The following CHRM3 variants were observed in gnomAD, a reference collection of about 807,000 sequenced individuals.
The protein encoded by CHRM3 is cholinergic receptor muscarinic 3, also known as muscarinic acetylcholine receptor M3.
CHRM3 carries 11 observed loss-of-function variants against 41.8 expected under a neutral mutation model. That is an observed-to-expected ratio of 0.26 (90% confidence interval 0.17 to 0.44). The LOEUF (loss-of-function observed/expected upper bound fraction) is 0.44. CHRM3 is among the 20% of genes least tolerant of loss of function. The probability of loss-of-function intolerance (pLI) is 1.00; values close to 1 mark genes in which losing one functional copy is unlikely to be tolerated. For synonymous variants in CHRM3, 297 were observed against 301.4 expected, an observed-to-expected ratio of 0.99 and a Z score of 0.15; for missense variants, 571 against 745.4, an observed-to-expected ratio of 0.77 and a Z score of 2.72.
chr1:239,520,543 C>T (rs1488734833), intron 2 of CHRM3, among the ~76,000 whole-genome samples: 1 of 152,114 alleles, frequency 6.6e-6, no homozygotes, highest in African/African-American at 2.4e-5. Flanking sequence ...CTTCATGAGG[C>T]CTCCCCTGAA....
intron 5 of CHRM3, among the ~76,000 whole-genome samples, chr1:239,777,260 CTG>C (rs1348879597): frequency 6.6e-6 from 1 of 152,164 alleles, no homozygotes; most frequent in Non-Finnish European, 1.5e-5. Flanking sequence ...ACATGATCAT[CTG>C]TGATAGAAGA....
intron 6 of CHRM3, among the ~76,000 whole-genome samples, chr1:239,852,761 AC>A (rs1674798955): frequency 6.6e-6 from 1 of 152,202 alleles, no homozygotes; most frequent in African/African-American, 2.4e-5. Context: ...AGTTCATGGC[AC>A]ATGGCACATA....
At chr1:239,744,175 G>C (rs147664029) in intron 5 of CHRM3, among the ~76,000 whole-genome samples, 13 of 151,928 alleles carry the variant, frequency 8.6e-5, no homozygotes, top group Non-Finnish European at 1.9e-4. Context: ...TTGAACCACC[G>C]TGTGTCTTAG....
intron 5 of CHRM3, among the ~76,000 whole-genome samples, chr1:239,811,387 G>T (rs926492849): frequency 8.5e-5 from 13 of 152,150 alleles, no homozygotes; most frequent in African/African-American, 3.1e-4. Flanking sequence ...CTTTGATCTT[G>T]TCACTCCTGC....
At chr1:239,404,904 A>G (rs995144161) in intron 1 of CHRM3, among the ~76,000 whole-genome samples, 9 of 151,686 alleles carry the variant, frequency 5.9e-5, no homozygotes, top group African/African-American at 2.2e-4. Context: ...TTGCATGGGT[A>G]TAATGCTATG....
intron 4 of CHRM3, among the ~76,000 whole-genome samples, chr1:239,645,519 A>T (rs1427589947): frequency 1.3e-5 from 2 of 152,242 alleles, no homozygotes; most frequent in African/African-American, 4.8e-5. Flanking sequence ...AAGAAAAGAA[A>T]ATCCAAATCA....
intron 6 of CHRM3, among the ~76,000 whole-genome samples, chr1:239,831,894 T>C (rs1311920458): frequency 2.0e-5 from 3 of 152,212 alleles, no homozygotes; most frequent in Admixed American, 6.5e-5. Context: ...TTAGAAATTA[T>C]TATTTTCCTC....
At chr1:239,522,959 ACT>A (rs1401606188) in intron 2 of CHRM3, among the ~76,000 whole-genome samples, 4 of 151,870 alleles carry the variant, frequency 2.6e-5, no homozygotes, top group Non-Finnish European at 2.9e-5. Flanking sequence ...GCCCAGGGAG[ACT>A]CTGCTGAGAC....
In CHRM3 at chr1:239,663,025, TTTC is replaced by T. The variant is rs202029953; in HGVS notation, c.-249-15152_-249-15150del. On this transcript the variant is annotated intron_variant, in intron 4 of 6. Transcript: ENST00000676153. ...TTCTTCTTTCTCTTCCTCTTCTTCT[TTTC>T]TTCTTCTTTTTCTTCTGTTTTTTAA... Among the ~76,000 whole-genome samples, 1,290 of 151,878 alleles carry T rather than the reference TTTC, an allele frequency of 8.5e-3. 10 individuals are homozygous for T. The highest frequency in any genetic ancestry group is 0.01 in the Non-Finnish European group (705 of 67,982).
chr1:239,556,011 C>T (rs1342881871), intron 3 of CHRM3, among the ~76,000 whole-genome samples: 1 of 152,168 alleles, frequency 6.6e-6, no homozygotes, highest in Non-Finnish European at 1.5e-5. Flanking sequence ...ATAGTGATCT[C>T]TTTATTAAGC....
intron 5 of CHRM3, among the ~76,000 whole-genome samples, chr1:239,796,249 G>C (rs1211515785): frequency 6.6e-6 from 1 of 151,840 alleles, no homozygotes; most frequent in African/African-American, 2.4e-5. Context: ...TTTTCCATTA[G>C]AGCTCAAGAA....
intron 5 of CHRM3, among the ~76,000 whole-genome samples, chr1:239,783,889 G>A (rs2148818318): frequency 6.6e-6 from 1 of 152,218 alleles, no homozygotes; most frequent in South Asian, 2.1e-4. Flanking sequence ...AGTCCCCAGT[G>A]ACTATTGTTC....
At chr1:239,603,115 T>A (rs1450661690) in intron 3 of CHRM3, among the ~76,000 whole-genome samples, 1 of 152,150 alleles carries the variant, frequency 6.6e-6, no homozygotes, top group African/African-American at 2.4e-5. Flanking sequence ...ACAATATTTG[T>A]ATTTTAGTGA....
At chr1:239,507,423 T>C (rs1035940398) in intron 2 of CHRM3, among the ~76,000 whole-genome samples, 1 of 152,232 alleles carries the variant, frequency 6.6e-6, no homozygotes, top group Non-Finnish European at 1.5e-5. Context: ...ATGTGAGACA[T>C]GCCTCCACCT....
At chr1:239,399,085 G>T (rs189741916) in intron 1 of CHRM3, among the ~76,000 whole-genome samples, 6 of 152,180 alleles carry the variant, frequency 3.9e-5, no homozygotes, top group Non-Finnish European at 8.8e-5. Context: ...GTAACTTTTA[G>T]CCAATGCAAG....
At chr1:239,870,385 C>A (rs1398794367) in intron 6 of CHRM3, among the ~76,000 whole-genome samples, 1 of 152,160 alleles carries the variant, frequency 6.6e-6, no homozygotes, top group Non-Finnish European at 1.5e-5. Flanking sequence ...GTTTCCTGTG[C>A]AGGCCTTCAA....
intron 5 of CHRM3, among the ~76,000 whole-genome samples, chr1:239,819,229 C>T (rs974044092): frequency 2.6e-5 from 4 of 152,174 alleles, no homozygotes; most frequent in African/African-American, 9.7e-5. Flanking sequence ...CCCAAATAAA[C>T]GAGGCTAGTA....
intron 4 of CHRM3, among the ~76,000 whole-genome samples, chr1:239,661,841 C>T (rs912489220): frequency 6.6e-6 from 1 of 151,962 alleles, no homozygotes; most frequent in Non-Finnish European, 1.5e-5. Context: ...AATATTGGTT[C>T]ACTTGTTATA....
At chr1:239,808,256 C>CT (rs1254764318) in intron 5 of CHRM3, among the ~76,000 whole-genome samples, 2 of 151,946 alleles carry the variant, frequency 1.3e-5, no homozygotes, top group Non-Finnish European at 2.9e-5. Context: ...AATTGCAATA[C>CT]TTTTTTTTGT....
Sources: gnomAD v4.1 joint callset for allele counts (sites outside exome capture counted in the v4.1 genomes callset) on GRCh38, gnomAD v4.1.1 for gene constraint, MANE v1.5 for transcripts, NCBI Gene and HGNC (gene_info 2026-07-23, HGNC 2026-07-21) for gene names.